The following CUX2 variants were observed in gnomAD, a reference collection of about 807,000 sequenced individuals.
CUX2 encodes the protein homeobox protein cut-like 2.
In CUX2, 40 loss-of-function variants were observed where a neutral mutation model predicts 144.8. The ratio of observed to expected loss-of-function variants is 0.28; its 90% CI spans 0.21 to 0.36. The LOEUF (loss-of-function observed/expected upper bound fraction) is 0.36, where lower values mean the gene tolerates loss of function less well. CUX2 is among the 10% of genes least tolerant of loss of function. The pLI is 1.00. For missense variants in CUX2, 1,615 were observed against 1,994.0 expected, an observed-to-expected ratio of 0.81 and a Z score of 3.62; for synonymous variants, 827 against 875.6, an observed-to-expected ratio of 0.94 and a Z score of 0.98.
chr12:111,099,710 A>G (rs560261353), intron 1 of CUX2: 33 of 456,298 alleles, frequency 7.2e-5, no homozygotes, highest in East Asian at 1.4e-4. Context: ...CTGATCACCT[A>G]TTGGGTTTAT....
At chr12:111,097,483 G>A (rs187722565) in intron 1 of CUX2, among the ~76,000 whole-genome samples, 4 of 152,286 alleles carry the variant, frequency 2.6e-5, no homozygotes, top group Admixed American at 6.5e-5. Context: ...CAACAAATAC[G>A]AGAGCTTAGA....
At chr12:111,327,784 C>T (rs1887887482) in intron 18 of CUX2, among the ~76,000 whole-genome samples, 1 of 152,162 alleles carries the variant, frequency 6.6e-6, no homozygotes. Context: ...AGGCTAGGCA[C>T]AGTGCGTCAC....
chr12:111,235,024 C>T (rs1294415114), intron 3 of CUX2, among the ~76,000 whole-genome samples: 2 of 152,154 alleles, frequency 1.3e-5, no homozygotes, highest in Non-Finnish European at 2.9e-5. Context: ...CAGCCCACTT[C>T]CTCTCTTTCT....
At chr12:111,249,388 G>T (rs899911268) in intron 3 of CUX2, among the ~76,000 whole-genome samples, 1 of 147,872 alleles carries the variant, frequency 6.8e-6, no homozygotes, top group African/African-American at 2.6e-5. Context: ...AAAAAGTCCC[G>T]GGTGCTATTG....
intron 1 of CUX2, among the ~76,000 whole-genome samples, chr12:111,097,739 G>A (rs528398255): frequency 2.0e-5 from 3 of 152,282 alleles, no homozygotes; most frequent in East Asian, 3.9e-4. Context: ...GGGAGGATCC[G>A]CAAAGAGACT....
At chr12:111,122,191 C>T (rs1365558614) in intron 1 of CUX2, among the ~76,000 whole-genome samples, 4 of 152,170 alleles carry the variant, frequency 2.6e-5, no homozygotes, top group Non-Finnish European at 5.9e-5. Context: ...GAAATCTTCT[C>T]AACTCATATT....
chr12:111,293,356 A>G lies in CUX2; in HGVS notation c.437-90A>G. ...GCCCAAGTTTGGGAAATTGATCACA[A>G]TCAATGATCGATCCGGTTTACAGAA... On this transcript the variant is annotated intron_variant, in intron 5 of 21. Coordinates refer to ENST00000261726, the MANE Select transcript of CUX2 (RefSeq NM_015267.4). This position sits in a 1 kb window ranked among gnomAD's most constrained non-coding sequence, Gnocchi z 4.5. 2.0e-6 allele frequency: 3 copies of G among 1,483,482 alleles called. No individual in the cohort carries two copies. Among genetic ancestry groups the G allele is most frequent in the Non-Finnish European group, 1.8e-6 (2 of 1,113,612 alleles). The allele number at this position is 1,483,482 out of a possible 1,614,324, so 91.9% of individuals were successfully genotyped here.
At chr12:111,084,831 A>C (rs1872112038) in intron 1 of CUX2, among the ~76,000 whole-genome samples, 1 of 151,720 alleles carries the variant, frequency 6.6e-6, no homozygotes, top group Admixed American at 6.6e-5. Context: ...ACCTGCTCTC[A>C]CTCGGGCTCC....
At chr12:111,232,370 G>A (rs1882518396) in intron 3 of CUX2, among the ~76,000 whole-genome samples, 1 of 152,092 alleles carries the variant, frequency 6.6e-6, no homozygotes, top group Non-Finnish European at 1.5e-5. Context: ...TGGGCGTGGT[G>A]GTGCACACCT....
rs1385415474 is a variant in CUX2 at position 111,311,978 on chromosome 12, A to G, written c.1901-122A>G. The G allele has an allele frequency of 8.9e-6, 6 of 675,716 alleles. No individual in the cohort carries two copies. The African/African-American group carries it at 9.1e-5, about 10-fold the overall frequency. 41.9% of individuals were successfully genotyped at this position (675,716 alleles called of 1,614,324 possible). ...ACATAGACTAAGCAGTGGCCCTGCC[A>G]TCTCACTGATGGTCTGACCCTCACT... On this transcript the variant is annotated intron_variant, in intron 15 of 21. Transcript: ENST00000261726.
chr12:111,066,862 G>T (rs1325444808), intron 1 of CUX2, among the ~76,000 whole-genome samples: 2 of 152,204 alleles, frequency 1.3e-5, no homozygotes, highest in African/African-American at 2.4e-5. Flanking sequence ...TTCTCCAACT[G>T]CAAGGTGGGA....
At chr12:111,058,623 G>A (rs1018764181) in intron 1 of CUX2, among the ~76,000 whole-genome samples, 1 of 152,148 alleles carries the variant, frequency 6.6e-6, no homozygotes, top group Non-Finnish European at 1.5e-5. Flanking sequence ...TCAGATACAG[G>A]AGAAGCTGGA....
At position 111,320,076 on chromosome 12, in the gene CUX2, G is replaced by A. The variant is rs1018913564; in HGVS notation, c.2067G>A (p.Ser689=). The change falls in exon 17 of 22, where the codon TCG becomes TCA. Residue 689 remains serine, a synonymous_variant. Transcript: ENST00000261726. The surrounding 1 kb of genome is among the most constrained non-coding windows in gnomAD (Gnocchi z 8.1). ...ACGGCACGACCCCCGCCAGCACCTC[G>A]GAGGACGCCATCAAGAGCATCCTGG... ...IANGTTPAST[S]EDAIKSILEQ... The A allele has an allele frequency of 1.3e-6, 2 of 1,554,684 alleles. No individual in the cohort carries two copies. Among genetic ancestry groups the A allele is most frequent in the South Asian group, 1.2e-5 (1 of 85,006 alleles).
chr12:111,099,584 G>A (rs1292783390), intron 1 of CUX2: 2 of 456,764 alleles, frequency 4.4e-6, no homozygotes, highest in Non-Finnish European at 8.8e-6. Flanking sequence ...CCATCCTCAT[G>A]TGTAGCCCTC....
intron 4 of CUX2, among the ~76,000 whole-genome samples, chr12:111,273,132 TACACA>T (rs934191601): frequency 6.6e-6 from 1 of 151,996 alleles, no homozygotes; most frequent in Non-Finnish European, 1.5e-5. Context: ...ACAACCAGAA[TACACA>T]ACAGAAAGCA....
rs948976866 is a variant in CUX2 at position 111,058,706 on chromosome 12, G to C, written c.63+24466G>C. On this transcript the variant is annotated intron_variant, in intron 1 of 21. Coordinates refer to ENST00000261726, the MANE Select transcript of CUX2 (RefSeq NM_015267.4). ...GCAGATAGTGGTGTTACAGGAAGGG[G>C]GTCCCGAGCGAGACCCCAAGATCTC... Among the ~76,000 whole-genome samples, 4 of 152,088 alleles carry C rather than the reference G, an allele frequency of 2.6e-5. No individual in the cohort carries two copies. In the East Asian group the frequency reaches 5.8e-4, roughly 22 times the overall value.
At chr12:111,300,876 A>C (rs902753038) in intron 9 of CUX2, among the ~76,000 whole-genome samples, 2 of 152,050 alleles carry the variant, frequency 1.3e-5, no homozygotes, top group Non-Finnish European at 2.9e-5. Context: ...CATCTCTACA[A>C]AATATTTAAA....
intron 1 of CUX2, among the ~76,000 whole-genome samples, chr12:111,084,323 G>A (rs1872071395): frequency 6.6e-6 from 1 of 152,186 alleles, no homozygotes; most frequent in Non-Finnish European, 1.5e-5. Context: ...TTCTAGGGGA[G>A]CAGGTGGAGG....
chr12:111,090,943 A>G (rs1872520435), intron 1 of CUX2, among the ~76,000 whole-genome samples: 1 of 152,108 alleles, frequency 6.6e-6, no homozygotes, highest in African/African-American at 2.4e-5. Flanking sequence ...GCCAGCATTG[A>G]TGGAGCACCT....
Sources: gnomAD v4.1 joint callset for allele counts (sites outside exome capture counted in the v4.1 genomes callset) on GRCh38, gnomAD v4.1.1 for gene constraint, Gnocchi (gnomAD v3.1) non-coding constraint, MANE v1.5 for transcripts, NCBI Gene and HGNC (gene_info 2026-07-23, HGNC 2026-07-21) for gene names.